The following GIGYF2 variants were observed in gnomAD, a reference collection of about 807,000 sequenced individuals.
The protein encoded by GIGYF2 is GRB10 interacting GYF protein 2.
A neutral mutation model predicts 208.1 loss-of-function variants in GIGYF2; 25 were observed. The ratio of observed to expected loss-of-function variants is 0.12; its 90% CI spans 0.09 to 0.17. The LOEUF is 0.17. Among genes scored for constraint, GIGYF2 ranks in the 10% least tolerant of loss-of-function variants. The probability of loss-of-function intolerance (pLI) is 1.00; values close to 1 mark genes in which losing one functional copy is unlikely to be tolerated. For missense variants in GIGYF2, 1,302 were observed against 1,579.4 expected, an observed-to-expected ratio of 0.82 and a Z score of 2.98; for synonymous variants, 534 against 543.8, an observed-to-expected ratio of 0.98 and a Z score of 0.25.
At chr2:232,755,649 C>T (rs554980321) in intron 5 of GIGYF2, among the ~76,000 whole-genome samples, 15 of 152,334 alleles carry the variant, frequency 9.8e-5, no homozygotes, top group Non-Finnish European at 1.8e-4. Context: ...GTATTCCCTT[C>T]GTCTTCCCAT....
intron 21 of GIGYF2, among the ~76,000 whole-genome samples, chr2:232,820,344 T>C (rs1701040307): frequency 7.0e-6 from 1 of 142,988 alleles, no homozygotes; most frequent in African/African-American, 2.6e-5. Flanking sequence ...GAGATGAGTC[T>C]CACTCTGTCG....
At chr2:232,783,435 CACACCTTGACTAGTGA>C (rs1218853031) in intron 8 of GIGYF2, among the ~76,000 whole-genome samples, 1 of 151,654 alleles carries the variant, frequency 6.6e-6, no homozygotes, top group Non-Finnish European at 1.5e-5. Flanking sequence ...TTCTTATCTA[CACACCTTGACTAGTGA>C]AGACCCAGTT....
intron 8 of GIGYF2, among the ~76,000 whole-genome samples, chr2:232,784,802 C>G (rs1365710150): frequency 1.3e-5 from 2 of 152,178 alleles, no homozygotes; most frequent in Non-Finnish European, 2.9e-5. Flanking sequence ...TTTGTCCCCT[C>G]CAGATCACAT....
At chr2:232,807,414 A>G (rs1700592724) in intron 15 of GIGYF2, among the ~76,000 whole-genome samples, 1 of 152,190 alleles carries the variant, frequency 6.6e-6, no homozygotes. Context: ...TATGGTGGCA[A>G]TCAGTGGCAG....
At chr2:232,800,819 G>A (rs1411748762) in intron 14 of GIGYF2, among the ~76,000 whole-genome samples, 3 of 152,152 alleles carry the variant, frequency 2.0e-5, no homozygotes, top group Non-Finnish European at 4.4e-5. Flanking sequence ...GGGAGGCTGA[G>A]ACCAGAGGAC....
chr2:232,709,510 T>C (rs1696283324), intron 2 of GIGYF2, among the ~76,000 whole-genome samples: 1 of 152,100 alleles, frequency 6.6e-6, no homozygotes, highest in African/African-American at 2.4e-5. Flanking sequence ...CATTTTACTT[T>C]TTAAAATTTT....
rs539886174 is a variant in GIGYF2 at position 232,809,186 on chromosome 2, G to A, written c.1807-534G>A. ...TCTCAATCCCCTGACCTCATGATCCGCCTGCCTTGGACTCCCAAAGTGCTG... is the reference window on the plus strand; with the variant it reads ...TCTCAATCCCCTGACCTCATGATCCACCTGCCTTGGACTCCCAAAGTGCTG... On this transcript the variant is annotated intron_variant, in intron 15 of 28. Coordinates refer to ENST00000373563, the MANE Select transcript of GIGYF2 (RefSeq NM_001103146.3). Among the ~76,000 whole-genome samples the A allele has an allele frequency of 1.6e-4, 24 of 152,170 alleles. 1 individual carries two copies. In the South Asian group the frequency reaches 2.3e-3, roughly 14 times the overall value.
At chr2:232,794,975 T>C (rs1191969320) in intron 13 of GIGYF2, 31 bp downstream of exon 13, 7 of 1,491,068 alleles carry the variant, frequency 4.7e-6, no homozygotes, top group Non-Finnish European at 6.6e-6. Context: ...TTTTGTCTCC[T>C]CTTAAACTGC....
At chr2:232,728,798 T>C (rs1697321374) in intron 2 of GIGYF2, among the ~76,000 whole-genome samples, 1 of 152,056 alleles carries the variant, frequency 6.6e-6, no homozygotes, top group Non-Finnish European at 1.5e-5. Context: ...ACCAGGATAG[T>C]GCTGGTAATG....
chr2:232,773,105 A>C (rs1183416246), intron 8 of GIGYF2, among the ~76,000 whole-genome samples: 8 of 152,164 alleles, frequency 5.3e-5, no homozygotes, highest in African/African-American at 1.9e-4. Flanking sequence ...ACTTTAAAAA[A>C]TCTTAGTGCA....
intron 8 of GIGYF2, chr2:232,764,322 A>G (rs1277052193): frequency 6.6e-6 from 1 of 152,246 alleles, no homozygotes; most frequent in Non-Finnish European, 1.5e-5. Flanking sequence ...CCTCTCAGCC[A>G]TGGGCAGTAT....
chr2:232,857,069 C>T lies in GIGYF2; in HGVS notation c.*209C>T. 1.7e-6 allele frequency: 1 copy of T among 604,870 alleles called. No individual in the cohort carries two copies. Among genetic ancestry groups the T allele is most frequent in the Non-Finnish European group, 3.0e-6 (1 of 336,028 alleles). The allele number at this position is 604,870 out of a possible 1,614,324, so 37.5% of individuals were successfully genotyped here. ...ACATCTCAGACTATAGATAAGTGGA[C>T]TGGACCCTGTGTCTTGGGGGTGGCA... On this transcript the variant is annotated 3_prime_UTR_variant, in exon 29 of 29. Coordinates refer to ENST00000373563, the MANE Select transcript of GIGYF2 (RefSeq NM_001103146.3).
chr2:232,701,341 G>A (rs1695830978), intron 1 of GIGYF2, among the ~76,000 whole-genome samples: 1 of 151,690 alleles, frequency 6.6e-6, no homozygotes, highest in South Asian at 2.1e-4. Context: ...GCTCACTACA[G>A]CCTGTGATAG....
chr2:232,820,265 A>G (rs903358989), intron 21 of GIGYF2, among the ~76,000 whole-genome samples: 10 of 152,018 alleles, frequency 6.6e-5, no homozygotes, highest in Non-Finnish European at 1.0e-4. Flanking sequence ...CAAGTTTCAA[A>G]CTAAAGCGGA....
chr2:232,834,253 T>C (rs992869857), intron 22 of GIGYF2, among the ~76,000 whole-genome samples: 11 of 152,110 alleles, frequency 7.2e-5, no homozygotes, highest in African/African-American at 2.7e-4. Context: ...TACAGTATGG[T>C]GAGTATAGTG....
intron 2 of GIGYF2, among the ~76,000 whole-genome samples, chr2:232,724,911 T>G (rs554287579): frequency 6.6e-6 from 1 of 152,198 alleles, no homozygotes; most frequent in Admixed American, 6.5e-5. Flanking sequence ...CCATCTTTGT[T>G]GTATGCACAA....
At chr2:232,831,643 C>T (rs1701427642) in intron 21 of GIGYF2, among the ~76,000 whole-genome samples, 3 of 152,206 alleles carry the variant, frequency 2.0e-5, no homozygotes, top group Admixed American at 2.0e-4. Context: ...TGCCCATCAG[C>T]CTGTTGTACA....
chr2:232,766,162 A>G (rs979223227), intron 8 of GIGYF2, among the ~76,000 whole-genome samples: 20 of 152,332 alleles, frequency 1.3e-4, no homozygotes, highest in African/African-American at 3.8e-4. Flanking sequence ...GTCCTCCCAG[A>G]AACTTTCTAT....
chr2:232,819,686 C>T lies in GIGYF2; in HGVS notation c.2371-141C>T, dbSNP rs141555993. On this transcript the variant is annotated intron_variant, in intron 20 of 28. Transcript: ENST00000373563. ...CAATTTACATGTATACTTTTTACTC[C>T]AGATCATGATTACTTTTATGTTTAC... The T allele has an allele frequency of 8.4e-4, 517 of 613,586 alleles. 2 individuals carry two copies. The African/African-American group carries it at 8.8e-3, about 10-fold the overall frequency. 38.0% of individuals were successfully genotyped at this position (613,586 alleles called of 1,614,324 possible).
Sources: allele counts gnomAD v4.1 joint callset (sites outside exome capture counted in the v4.1 genomes callset), GRCh38; gene constraint gnomAD v4.1.1; transcripts MANE v1.5; gene names NCBI Gene and HGNC (gene_info 2026-07-23, HGNC 2026-07-21).